GNB4: variants seen among roughly 807,000 people sequenced by gnomAD.
The protein encoded by GNB4 is guanine nucleotide-binding protein subunit beta-4.
Under a neutral mutation model 45.2 loss-of-function variants are expected in GNB4, and 28 were observed. The observed-to-expected ratio is 0.62, with a 90% CI of 0.46 to 0.85. The LOEUF (loss-of-function observed/expected upper bound fraction) is 0.85, where lower values mean the gene tolerates loss of function less well. Among genes scored for constraint, GNB4 ranks in the 40% least tolerant of loss-of-function variants. The probability of loss-of-function intolerance (pLI) is 0.00; values close to 1 mark genes in which losing one functional copy is unlikely to be tolerated. For missense variants in GNB4, 321 were observed against 425.4 expected (o/e 0.75, Z 2.16); for synonymous variants, 132 against 143.7 (o/e 0.92, Z 0.58).
At chr3:179,468,747 T>C in the GNB4 span, among the ~76,000 whole-genome samples, 1 of 152,206 alleles carries the variant, frequency 6.6e-6, no homozygotes, top group Non-Finnish European at 1.5e-5. Context: ...ATATCTTTCT[T>C]TGACATATTT....
At chr3:179,485,699 G>A in the GNB4 span, among the ~76,000 whole-genome samples, 11 of 152,182 alleles carry the variant, frequency 7.2e-5, no homozygotes, top group African/African-American at 2.2e-4. Flanking sequence ...CCAGCACTTT[G>A]GGAGGCCGAG....
chr3:179,465,805 C>T, the GNB4 span, among the ~76,000 whole-genome samples: 2,527 of 97,144 alleles, frequency 0.026, 69 homozygotes, highest in African/African-American at 0.088. Flanking sequence ...TTTTCTTCTT[C>T]TTCTTCTTCT....
chr3:179,490,430 G>A, the GNB4 span, among the ~76,000 whole-genome samples: 8 of 152,096 alleles, frequency 5.3e-5, no homozygotes, highest in South Asian at 2.1e-4. Context: ...TAGGTAGATC[G>A]ATAGATAGAG....
intron 5 of GNB4, among the ~76,000 whole-genome samples, chr3:179,415,605 A>C (rs749539077): frequency 9.3e-5 from 14 of 151,208 alleles, no homozygotes; most frequent in Admixed American, 2.6e-4. Flanking sequence ...CTGCCTTGTT[A>C]CCCTAACACC....
chr3:179,420,134 A>T (rs1272843127), intron 3 of GNB4, among the ~76,000 whole-genome samples: 1 of 150,394 alleles, frequency 6.6e-6, no homozygotes, highest in Non-Finnish European at 1.5e-5. Context: ...AAATATATAT[A>T]ATTTTTTTTT....
chr3:179,405,130 T>C lies in GNB4; in HGVS notation c.916+60A>G, dbSNP rs2287310. 0.22 allele frequency: 287,021 copies of C among 1,313,886 alleles called. 33,264 individuals carry two copies. Among genetic ancestry groups the C allele is most frequent in the Admixed American group, 0.25 (13,709 of 53,992 alleles). 81.4% of individuals were successfully genotyped at this position (1,313,886 alleles called of 1,614,324 possible). A position where few individuals can be genotyped will look rare whatever the true frequency, so the allele number is the denominator to read the frequency against. On this transcript the variant is annotated intron_variant, in intron 9 of 9. Coordinates refer to ENST00000232564, the MANE Select transcript of GNB4 (RefSeq NM_021629.4). ...TGTCCATGGAGGCCTAGAACACAACTGATGGGAACCTCTTCACGCTTCCTG... is the reference window on the plus strand; with the variant it reads ...TGTCCATGGAGGCCTAGAACACAACCGATGGGAACCTCTTCACGCTTCCTG...
At chr3:179,511,524 C>A in the GNB4 span, among the ~76,000 whole-genome samples, 18 of 152,096 alleles carry the variant, frequency 1.2e-4, no homozygotes, top group Non-Finnish European at 2.4e-4. Context: ...TGGTTAAGAC[C>A]AAAGACTCTG....
chr3:179,501,944 C>T, the GNB4 span, among the ~76,000 whole-genome samples: 2 of 151,954 alleles, frequency 1.3e-5, no homozygotes, highest in Non-Finnish European at 2.9e-5. Flanking sequence ...AGGGGTTAGG[C>T]CTTCTATTAT....
chr3:179,495,545 TAAAAG>T, the GNB4 span, among the ~76,000 whole-genome samples: 50,512 of 125,348 alleles, frequency 0.4, 8,638 homozygotes, highest in Middle Eastern at 0.47. Flanking sequence ...GAGGAGAAAA[TAAAAG>T]AAAAGAAAAG....
chr3:179,411,494 T>C (rs114545825), intron 8 of GNB4, among the ~76,000 whole-genome samples: 2,235 of 145,582 alleles, frequency 0.015, 65 homozygotes, highest in African/African-American at 0.053. Flanking sequence ...AGAAAATCAA[T>C]GTAAACACAC....
the GNB4 span, among the ~76,000 whole-genome samples, chr3:179,505,293 C>G: frequency 1.3e-5 from 2 of 152,212 alleles, no homozygotes; most frequent in African/African-American, 4.8e-5. Context: ...GAGCTTTAAA[C>G]TGAATGAGAG....
At chr3:179,484,524 G>A in the GNB4 span, among the ~76,000 whole-genome samples, 1 of 152,128 alleles carries the variant, frequency 6.6e-6, no homozygotes, top group Admixed American at 6.6e-5. Flanking sequence ...GTTTCAAAGA[G>A]GTGACACTAC....
At chr3:179,478,074 A>G in the GNB4 span, among the ~76,000 whole-genome samples, 1 of 152,162 alleles carries the variant, frequency 6.6e-6, no homozygotes, top group African/African-American at 2.4e-5. Context: ...GAGGGCCTTC[A>G]TGCTGTGATA....
the GNB4 span, among the ~76,000 whole-genome samples, chr3:179,523,168 A>G: frequency 6.6e-6 from 1 of 152,178 alleles, no homozygotes; most frequent in Non-Finnish European, 1.5e-5. Flanking sequence ...TTGGGAGATT[A>G]GCCGGACACT....
At chr3:179,520,683 T>C in the GNB4 span, among the ~76,000 whole-genome samples, 1 of 152,136 alleles carries the variant, frequency 6.6e-6, no homozygotes, top group Admixed American at 6.5e-5. Context: ...CTCCCACAGT[T>C]ACCATTGTTC....
intron 2 of GNB4, among the ~76,000 whole-genome samples, chr3:179,425,187 G>C (rs1306100545): frequency 1.3e-5 from 2 of 152,134 alleles, no homozygotes; most frequent in Non-Finnish European, 1.5e-5. Flanking sequence ...ATATTTCTCA[G>C]TGCTAATGAA....
chr3:179,420,947 T>C lies in GNB4; in HGVS notation c.58-20A>G. 1 of 1,461,568 alleles carries C rather than the reference T, an allele frequency of 6.8e-7. No homozygotes were observed. Among genetic ancestry groups the C allele is most frequent in the Non-Finnish European group, 9.6e-7 (1 of 1,046,842 alleles). The allele number at this position is 1,461,568 out of a possible 1,614,324, so 90.5% of individuals were successfully genotyped here. A position where few individuals can be genotyped will look rare whatever the true frequency, so the allele number is the denominator to read the frequency against. The stretch of plus-strand genomic sequence containing the variant: ...AGCATCCTGAAGTAAAAAAATATGA[T>C]TATAATGCATTTAGCAACCTGTGGA... On this transcript the variant is annotated intron_variant, in intron 2 of 9. Transcript: ENST00000232564.
At chr3:179,410,910 TATAG>T (rs1214847364) in intron 8 of GNB4, among the ~76,000 whole-genome samples, 1 of 152,208 alleles carries the variant, frequency 6.6e-6, no homozygotes, top group Non-Finnish European at 1.5e-5. Context: ...ATGTAGATGA[TATAG>T]ATAAAATCTT....
chr3:179,411,068 A>T (rs1243200502), intron 8 of GNB4, among the ~76,000 whole-genome samples: 2 of 152,194 alleles, frequency 1.3e-5, no homozygotes, highest in African/African-American at 4.8e-5. Flanking sequence ...TTGATCTATG[A>T]TAGAAATAAC....
Sources: gnomAD v4.1 joint callset for allele counts (sites outside exome capture counted in the v4.1 genomes callset) on GRCh38, gnomAD v4.1.1 for gene constraint, MANE v1.5 for transcripts, NCBI Gene and HGNC (gene_info 2026-07-23, HGNC 2026-07-21) for gene names.